The following YIPF2 variants were observed in gnomAD, a reference collection of about 807,000 sequenced individuals.
YIPF2 encodes the protein protein YIPF2.
In YIPF2, 30 loss-of-function variants were observed where a neutral mutation model predicts 38.8. The ratio of observed to expected loss-of-function variants is 0.77; its 90% CI spans 0.58 to 1.05. The LOEUF (loss-of-function observed/expected upper bound fraction) is 1.05. YIPF2 is among the 50% of genes least tolerant of loss of function. The probability of loss-of-function intolerance (pLI) is 0.00; values close to 1 mark genes in which losing one functional copy is unlikely to be tolerated. For missense variants in YIPF2, 401 were observed against 409.7 expected (o/e 0.98, Z 0.18); for synonymous variants, 194 against 183.8 (o/e 1.06, Z -0.45).
chr19:10,928,075 C>T (rs982859815), intron 2 of YIPF2, 116 bp from the exon 3 acceptor site: 2 of 1,429,008 alleles, frequency 1.4e-6, no homozygotes, highest in Non-Finnish European at 1.9e-6. Context: ...CATTGATCTC[C>T]CCCAAGGTGG....
At chr19:10,924,221 C>T (rs766644785) in intron 5 of YIPF2, 29 bp from the exon 6 acceptor site, 25 of 1,585,790 alleles carry the variant, frequency 1.6e-5, no homozygotes, top group East Asian at 1.1e-4. Context: ...GTCAGGGTCC[C>T]GGGCCCTGCA....
At position 10,923,379 on chromosome 19, in the gene YIPF2, T is replaced by A; in HGVS notation, c.863A>T (p.Glu288Val). ...GATTTGGGGTGGAGGAGCCACGTTC[T>A]CCGGAGGCAGCGACTGGAAGAAGTA... ...KLYFFQSLPPENVAPPPQITS... is the reference protein window; with the variant it reads ...KLYFFQSLPPVNVAPPPQITS... The change falls in exon 9 of 10, where the codon GAG (glutamate) becomes GTG (valine). Residue 288 changes from glutamate (E) to valine (V), a missense_variant. Transcript: ENST00000586748. 15 of 1,613,556 alleles carry A rather than the reference T, an allele frequency of 9.3e-6. No homozygotes were observed. The highest frequency in any genetic ancestry group is 1.3e-5 in the Non-Finnish European group (15 of 1,179,762).
At chr19:10,928,045 G>A in intron 2 of YIPF2, 86 bp from the exon 3 acceptor site, 1 of 1,527,088 alleles carries the variant, frequency 6.5e-7, no homozygotes, top group South Asian at 1.2e-5. Context: ...GCTCATCTGG[G>A]GGCGGAGGCT....
Position 10,925,768 on chromosome 19 carries a change from C to T in YIPF2, c.285G>A (p.Leu95=). Residue 95 remains leucine (L), a synonymous_variant, in exon 5 of 10, where the codon CTG becomes CTA. Transcript: ENST00000586748. The part of the protein sequence containing the change: ...SFFDVDTSQV[L]DRIKGSLLPR... The stretch of plus-strand genomic sequence containing the variant: ...GCAGCAGTGAGCCTTTGATCCGGTC[C>T]AGGACCTGGGGGCAAGGCCAAGGTC... 1 of 1,613,748 alleles carries T rather than the reference C, an allele frequency of 6.2e-7. No individual in the cohort carries two copies. The highest frequency in any genetic ancestry group is 8.5e-7 in the Non-Finnish European group (1 of 1,179,994).
At position 10,927,924 on chromosome 19, in the gene YIPF2, G is replaced by A; in HGVS notation, c.67C>T (p.Pro23Ser). The part of the protein sequence containing the change: ...EEATNLLADT[P>S]DAATTSRSDQ... ...CTTCTGCTGGTGGTGGCTGCATCTG[G>A]GGTGTCAGCCAGAAGATTAGTGGCC... The change falls in exon 3 of 10, where the codon CCA becomes TCA. Residue 23 changes from proline (P) to serine (S), a missense_variant. By Grantham distance (74) the Pro-to-Ser change is moderately conservative. Transcript: ENST00000586748. 1 of 1,610,694 alleles carries A rather than the reference G, an allele frequency of 6.2e-7. No individual in the cohort carries two copies. The highest frequency in any genetic ancestry group is 8.5e-7 in the Non-Finnish European group (1 of 1,177,332).
rs936309332 is a variant in YIPF2 at position 10,928,584 on chromosome 19, C to T, written c.-104G>A. 4.9e-5 allele frequency: 48 copies of T among 985,598 alleles called. No homozygotes were observed. Among genetic ancestry groups the T allele is most frequent in the Non-Finnish European group, 6.1e-5 (44 of 715,652 alleles). The allele number at this position is 985,598 out of a possible 1,614,324, so 61.1% of individuals were successfully genotyped here. On this transcript the variant is annotated 5_prime_UTR_variant, in exon 1 of 10. It adds an upstream start codon to the 5' untranslated region. Transcript: ENST00000586748. ...CACAGGTGCGCTCCGCCCCCCCTCACCTGAGGCCACCTGGGCCGGCGTGGC... is the reference window on the plus strand; with the variant it reads ...CACAGGTGCGCTCCGCCCCCCCTCATCTGAGGCCACCTGGGCCGGCGTGGC...
At chr19:10,925,640 C>T (rs1225438105) in intron 5 of YIPF2, 46 bp downstream of exon 5, 1 of 1,610,952 alleles carries the variant, frequency 6.2e-7, no homozygotes, top group Non-Finnish European at 8.5e-7. Flanking sequence ...TCAGGCCACA[C>T]TTGTTGAGTG....
intron 9 of YIPF2, 34 bp downstream of exon 9, chr19:10,923,238 C>A (rs761996468): frequency 2.0e-6 from 3 of 1,520,076 alleles, no homozygotes; most frequent in Non-Finnish European, 8.9e-7. Flanking sequence ...AGTGGGAGGG[C>A]AGCCCCCTTA....
chr19:10,926,240 G>C (rs370181301), intron 4 of YIPF2, among the ~76,000 whole-genome samples: 64 of 115,236 alleles, frequency 5.6e-4, no homozygotes, highest in Middle Eastern at 0.011. Context: ...TTTTTTTTTT[G>C]TTTTGAGACG....
Position 10,923,408 on chromosome 19 carries a change from C to G in YIPF2, c.835-1G>C. 1 of 1,613,536 alleles carries G rather than the reference C, an allele frequency of 6.2e-7. No homozygotes were observed. Among genetic ancestry groups the G allele is most frequent in the South Asian group, 1.1e-5 (1 of 91,088 alleles). On this transcript the variant is annotated splice_acceptor_variant, in intron 8 of 9. Transcript: ENST00000586748. LOFTEE classifies it high-confidence loss of function. ...GAGGCAGCGACTGGAAGAAGTACAA[C>G]TGCACAAGACCCCTGGGGTCAGAGG...
chr19:10,927,349 T>C (rs1295447102), intron 4 of YIPF2, among the ~76,000 whole-genome samples: 1 of 152,274 alleles, frequency 6.6e-6, no homozygotes, highest in South Asian at 2.1e-4. Flanking sequence ...CTGGAACATA[T>C]ACTCCTGCTT....
intron 2 of YIPF2, 75 bp from the exon 3 acceptor site, chr19:10,928,034 T>C (rs2083454451): frequency 2.6e-6 from 4 of 1,542,514 alleles, no homozygotes; most frequent in Non-Finnish European, 3.5e-6. Flanking sequence ...GCTAAACCGA[T>C]GCTCATCTGG....
intron 5 of YIPF2, among the ~76,000 whole-genome samples, chr19:10,925,412 A>G (rs140778370): frequency 6.7e-6 from 1 of 149,820 alleles, no homozygotes; most frequent in Non-Finnish European, 1.5e-5. Context: ...GGTCTCCCCC[A>G]CCCCTCCTGT....
chr19:10,927,255 C>T (rs1192156187), intron 4 of YIPF2, among the ~76,000 whole-genome samples: 2 of 152,174 alleles, frequency 1.3e-5, no homozygotes, highest in Non-Finnish European at 2.9e-5. Flanking sequence ...CTGCCCACCT[C>T]GGCCCCCTTA....
intron 5 of YIPF2, 69 bp from the exon 6 acceptor site, chr19:10,924,261 C>A: frequency 7.3e-7 from 1 of 1,373,786 alleles, no homozygotes; most frequent in Non-Finnish European, 1.0e-6. Flanking sequence ...TGTATCCTGA[C>A]TGAGCTGTGC....
chr19:10,925,571 GGTAA>G, intron 5 of YIPF2, 111 bp downstream of exon 5: 1 of 1,230,188 alleles, frequency 8.1e-7, no homozygotes, highest in East Asian at 2.5e-5. Context: ...CTGAACAGCA[GGTAA>G]GTCACACTGT....
At position 10,923,280 on chromosome 19, in the gene YIPF2, C is replaced by G. The variant is rs1364706662; in HGVS notation, c.*11G>C. 2.5e-6 allele frequency: 4 copies of G among 1,604,492 alleles called. No homozygotes were observed. Among genetic ancestry groups the G allele is most frequent in the Non-Finnish European group, 3.4e-6 (4 of 1,176,546 alleles). On this transcript the variant is annotated 3_prime_UTR_variant, in exon 9 of 10. Transcript: ENST00000586748. Reference sequence around the variant, plus strand: ...CTGGGAATAGTCCTTACCTGTGGGACCCGGGCCTTCCTAGGAGGGGGCCAG... The same window carrying G: ...CTGGGAATAGTCCTTACCTGTGGGAGCCGGGCCTTCCTAGGAGGGGGCCAG...
At position 10,922,652 on chromosome 19, in the gene YIPF2, C is replaced by T. The variant is rs1243090967; in HGVS notation, c.*542G>A. ...TCCATCCTTGTAGACGCTCCAGTCC[C>T]TACTACTGTGACGGCATTTCCATCC... On this transcript the variant is annotated 3_prime_UTR_variant, in exon 10 of 10. Coordinates refer to ENST00000586748, the MANE Select transcript of YIPF2 (RefSeq NM_001321439.2). 1 of 152,360 alleles carries T rather than the reference C, an allele frequency of 6.6e-6. No homozygotes were observed. The highest frequency in any genetic ancestry group is 1.5e-5 in the Non-Finnish European group (1 of 68,174). The allele number at this position is 152,360 out of a possible 1,614,324, so 9.4% of individuals were successfully genotyped here. A position where few individuals can be genotyped will look rare whatever the true frequency, so the allele number is the denominator to read the frequency against.
Position 10,923,900 on chromosome 19 carries a change from C to A in YIPF2, c.584G>T (p.Gly195Val), listed in dbSNP as rs1360832426. 6.2e-7 allele frequency: 1 copy of A among 1,613,158 alleles called. No homozygotes were observed. The highest frequency in any genetic ancestry group is 2.2e-5 in the East Asian group (1 of 44,832). Residue 195 changes from glycine to valine, a missense_variant, in exon 7 of 10, where the codon GGG becomes GTG. Coordinates refer to ENST00000586748, the MANE Select transcript of YIPF2 (RefSeq NM_001321439.2). ...RWRKGVQERM[G>V]PYTFLETVCI... ...CACAGTCTCCAGGAAGGTGTAGGGC[C>A]CCATGCGCTCCTGGACACCCTTGCG...
Sources: gnomAD v4.1 joint callset for allele counts (sites outside exome capture counted in the v4.1 genomes callset) on GRCh38, gnomAD v4.1.1 for gene constraint, MANE v1.5 for transcripts, NCBI Gene and HGNC (gene_info 2026-07-23, HGNC 2026-07-21) for gene names.